PLCL2: variants seen among roughly 807,000 people sequenced by gnomAD.
PLCL2 encodes the protein phospholipase C like 2.
PLCL2 carries 4 observed loss-of-function variants against 79.6 expected under a neutral mutation model. That is an observed-to-expected ratio of 0.05 (90% CI 0.02 to 0.11). PLCL2 has a LOEUF of 0.11. PLCL2 is among the 10% of genes least tolerant of loss of function. PLCL2 has a pLI of 1.00. For missense variants in PLCL2, 895 were observed against 1,291.0 expected (o/e 0.69, Z 4.70); for synonymous variants, 484 against 457.7 (o/e 1.06, Z -0.73).
chr3:17,077,637 G>A (rs571459467), intron 5 of PLCL2, among the ~76,000 whole-genome samples: 1 of 152,124 alleles, frequency 6.6e-6, no homozygotes, highest in Non-Finnish European at 1.5e-5. Context: ...TGTGTCAATT[G>A]ATTGCCATTC....
At chr3:17,075,990 A>G (rs1272651098) in intron 5 of PLCL2, among the ~76,000 whole-genome samples, 1 of 152,240 alleles carries the variant, frequency 6.6e-6, no homozygotes, top group Non-Finnish European at 1.5e-5. Flanking sequence ...ACATTCACAT[A>G]TCAGTCTTTG....
chr3:16,929,727 G>A (rs935485521), intron 1 of PLCL2, among the ~76,000 whole-genome samples: 3 of 152,192 alleles, frequency 2.0e-5, no homozygotes, highest in African/African-American at 7.2e-5. Flanking sequence ...GGGAAGTTGA[G>A]TCCTTCTGAA....
At chr3:16,993,373 C>T (rs942634995) in intron 1 of PLCL2, among the ~76,000 whole-genome samples, 1 of 152,176 alleles carries the variant, frequency 6.6e-6, no homozygotes, top group Non-Finnish European at 1.5e-5. Flanking sequence ...CTCATGTGTT[C>T]CCTCCTGTCA....
At chr3:16,940,829 A>G (rs1697662561) in intron 1 of PLCL2, among the ~76,000 whole-genome samples, 1 of 152,188 alleles carries the variant, frequency 6.6e-6, no homozygotes, top group Non-Finnish European at 1.5e-5. Flanking sequence ...GTGATATATC[A>G]TAAATTGTCC....
At chr3:16,997,599 C>T (rs1439632551) in intron 1 of PLCL2, among the ~76,000 whole-genome samples, 2 of 146,696 alleles carry the variant, frequency 1.4e-5, no homozygotes, top group South Asian at 2.1e-4. Context: ...GATGCAGTGG[C>T]GCAATCTCAG....
At chr3:16,889,383 T>C (rs1404259367) in intron 1 of PLCL2, among the ~76,000 whole-genome samples, 1 of 152,210 alleles carries the variant, frequency 6.6e-6, no homozygotes, top group Non-Finnish European at 1.5e-5. Context: ...TTGCCCTCTT[T>C]AAATGTAGGA....
At chr3:16,984,597 A>G (rs1037954457) in intron 1 of PLCL2, among the ~76,000 whole-genome samples, 1 of 152,144 alleles carries the variant, frequency 6.6e-6, no homozygotes, top group Admixed American at 6.5e-5. Context: ...AGAGGATGTC[A>G]CCAATAGCAA....
intron 1 of PLCL2, among the ~76,000 whole-genome samples, chr3:16,902,758 C>T (rs1696652939): frequency 6.9e-6 from 1 of 145,340 alleles, no homozygotes; most frequent in Non-Finnish European, 1.5e-5. Flanking sequence ...ACCCAGGAGG[C>T]AGAGGTTATA....
At position 16,887,743 on chromosome 3, in the gene PLCL2, A is replaced by G. The variant is rs1234885980; in HGVS notation, c.327+2377A>G. On this transcript the variant is annotated intron_variant, in intron 1 of 5. Coordinates refer to ENST00000615277, the MANE Select transcript of PLCL2 (RefSeq NM_001144382.2). The surrounding 1 kb of genome is among the most constrained non-coding windows in gnomAD (Gnocchi z 4.1). The stretch of plus-strand genomic sequence containing the variant: ...CATCAAATTTCATAAAGCAACAAAT[A>G]CTGCACAGATAGTTTTGTCATGTGA... Among the ~76,000 whole-genome samples, 1 of 152,196 alleles carries G rather than the reference A, an allele frequency of 6.6e-6. No individual in the cohort carries two copies. Among genetic ancestry groups the G allele is most frequent in the East Asian group, 1.9e-4 (1 of 5,198 alleles).
At chr3:16,996,307 G>A (rs1420891653) in intron 1 of PLCL2, among the ~76,000 whole-genome samples, 1 of 152,046 alleles carries the variant, frequency 6.6e-6, no homozygotes, top group Non-Finnish European at 1.5e-5. Context: ...CCTTCCCGTA[G>A]GCGAGACTGA....
At chr3:17,017,557 T>C (rs982710247) in intron 3 of PLCL2, among the ~76,000 whole-genome samples, 1 of 152,146 alleles carries the variant, frequency 6.6e-6, no homozygotes, top group Non-Finnish European at 1.5e-5. Flanking sequence ...TAAATATAGC[T>C]CTTTATTTTT....
At chr3:16,994,318 A>C (rs1328614506) in intron 1 of PLCL2, among the ~76,000 whole-genome samples, 1 of 152,190 alleles carries the variant, frequency 6.6e-6, no homozygotes. Flanking sequence ...GATTCGGGCC[A>C]TGCAGATATT....
At chr3:16,899,022 G>T (rs1207146833) in intron 1 of PLCL2, among the ~76,000 whole-genome samples, 1 of 152,252 alleles carries the variant, frequency 6.6e-6, no homozygotes, top group Non-Finnish European at 1.5e-5. Flanking sequence ...GGGCGTGTTT[G>T]TCAGGAGGTT....
intron 3 of PLCL2, among the ~76,000 whole-genome samples, chr3:17,036,203 A>G (rs866426819): frequency 6.6e-6 from 1 of 152,124 alleles, no homozygotes; most frequent in Non-Finnish European, 1.5e-5. Flanking sequence ...TGCTCTCCCC[A>G]TGTGAGATGG....
At chr3:17,047,779 A>G (rs981042900) in intron 4 of PLCL2, among the ~76,000 whole-genome samples, 14 of 152,178 alleles carry the variant, frequency 9.2e-5, no homozygotes, top group African/African-American at 3.4e-4. Context: ...TAACCTGCAC[A>G]CACAGCAGCC....
At chr3:16,945,913 C>A (rs1575544744) in intron 1 of PLCL2, among the ~76,000 whole-genome samples, 3 of 152,206 alleles carry the variant, frequency 2.0e-5, no homozygotes. Flanking sequence ...ACCTTTCCCT[C>A]TTTTCACTTT....
chr3:16,966,649 C>T (rs2063809566), intron 1 of PLCL2, among the ~76,000 whole-genome samples: 1 of 150,988 alleles, frequency 6.6e-6, no homozygotes, highest in African/African-American at 2.4e-5. Flanking sequence ...TGGTCCTGGA[C>T]TTTTTTTTTG....
chr3:16,885,170 A>C lies in PLCL2; in HGVS notation c.131A>C (p.His44Pro), dbSNP rs1213426810. Residue 44 changes from histidine to proline, a missense_variant, in exon 1 of 6, where the codon CAC becomes CCC. Coordinates refer to ENST00000615277, the MANE Select transcript of PLCL2 (RefSeq NM_001144382.2). The part of the protein sequence containing the change: ...EGGGGGGRLG[H>P]GRARYDSGGV... Reference sequence around the variant, plus strand: ...GGTGGCGGGGGAGGTCGCCTCGGCCACGGGCGGGCGCGCTATGACAGCGGC... The same window carrying C: ...GGTGGCGGGGGAGGTCGCCTCGGCCCCGGGCGGGCGCGCTATGACAGCGGC... The C allele has an allele frequency of 6.6e-5, 36 of 545,960 alleles. No individual in the cohort carries two copies. The highest frequency in any genetic ancestry group is 1.3e-4 in the Admixed American group (4 of 29,878). 33.8% of individuals were successfully genotyped at this position (545,960 alleles called of 1,614,324 possible).
chr3:16,973,027 G>A (rs552420167), intron 1 of PLCL2, among the ~76,000 whole-genome samples: 3 of 152,240 alleles, frequency 2.0e-5, no homozygotes, highest in Admixed American at 6.5e-5. Context: ...CTGTCATCAT[G>A]TTGTTAGCTG....
Sources: gnomAD v4.1 joint callset for allele counts (sites outside exome capture counted in the v4.1 genomes callset) on GRCh38, gnomAD v4.1.1 for gene constraint, Gnocchi (gnomAD v3.1) non-coding constraint, MANE v1.5 for transcripts, NCBI Gene and HGNC (gene_info 2026-07-23, HGNC 2026-07-21) for gene names.